Variants in GALNT13 observed in about 807,000 individuals in gnomAD.
GALNT13 encodes the protein polypeptide N-acetylgalactosaminyltransferase 13.
GALNT13 carries 28 observed loss-of-function variants against 64.2 expected under a neutral mutation model. The ratio of observed to expected loss-of-function variants is 0.44; its 90% CI spans 0.32 to 0.60. The LOEUF (loss-of-function observed/expected upper bound fraction) is 0.60, where lower values mean the gene tolerates loss of function less well. Among genes scored for constraint, GALNT13 ranks in the 20% least tolerant of loss-of-function variants. The probability of loss-of-function intolerance (pLI) is 0.05; values close to 1 mark genes in which losing one functional copy is unlikely to be tolerated. For missense variants in GALNT13, 577 were observed against 669.8 expected (o/e 0.86, Z 1.53); for synonymous variants, 214 against 224.6 (o/e 0.95, Z 0.42).
At chr2:153,851,909 G>A in the GALNT13 span, among the ~76,000 whole-genome samples, 105 of 152,240 alleles carry the variant, frequency 6.9e-4, 1 homozygote, top group Middle Eastern at 0.017. Flanking sequence ...GTACAAAGGC[G>A]GGGAGGGGAA....
the GALNT13 span, among the ~76,000 whole-genome samples, chr2:153,116,862 C>T: frequency 2.0e-4 from 27 of 135,230 alleles, no homozygotes; most frequent in East Asian, 2.9e-3. Flanking sequence ...TGCAGGGGCG[C>T]GATCTTGGCT....
At chr2:153,635,953 T>G in the GALNT13 span, among the ~76,000 whole-genome samples, 1 of 152,106 alleles carries the variant, frequency 6.6e-6, no homozygotes, top group Non-Finnish European at 1.5e-5. Flanking sequence ...ATGTATTAAA[T>G]AGAAGCTAAA....
the GALNT13 span, among the ~76,000 whole-genome samples, chr2:153,729,156 C>T: frequency 6.6e-5 from 10 of 151,982 alleles, no homozygotes; most frequent in African/African-American, 1.9e-4. Flanking sequence ...ACTGAATGGG[C>T]GAAAGCTGGA....
At chr2:153,387,313 C>T in the GALNT13 span, among the ~76,000 whole-genome samples, 1 of 151,994 alleles carries the variant, frequency 6.6e-6, no homozygotes, top group Non-Finnish European at 1.5e-5. Flanking sequence ...ACTAGGAGTT[C>T]GCAGCAGGTC....
the GALNT13 span, among the ~76,000 whole-genome samples, chr2:153,404,617 A>G: frequency 1.3e-5 from 2 of 152,154 alleles, no homozygotes; most frequent in Admixed American, 6.5e-5. Flanking sequence ...TCTCTCTGAT[A>G]ATAAATTTGG....
At chr2:153,963,638 A>T (rs1187856353) in intron 3 of GALNT13, among the ~76,000 whole-genome samples, 2 of 150,042 alleles carry the variant, frequency 1.3e-5, no homozygotes, top group African/African-American at 4.9e-5. Flanking sequence ...GTGGTATCTC[A>T]TTGTGATTTT....
the GALNT13 span, among the ~76,000 whole-genome samples, chr2:153,425,696 A>C: frequency 6.6e-6 from 1 of 151,874 alleles, no homozygotes; most frequent in African/African-American, 2.4e-5. Flanking sequence ...TATACATGTA[A>C]AAAGTAAATA....
chr2:154,154,455 G>A (rs962957541), intron 4 of GALNT13, among the ~76,000 whole-genome samples: 1 of 152,106 alleles, frequency 6.6e-6, no homozygotes, highest in African/African-American at 2.4e-5. Flanking sequence ...TCAACAAGGA[G>A]ATTTTAGAAC....
At chr2:153,758,514 A>T in the GALNT13 span, among the ~76,000 whole-genome samples, 1 of 152,064 alleles carries the variant, frequency 6.6e-6, no homozygotes, top group Non-Finnish European at 1.5e-5. Flanking sequence ...TTATTTTTCC[A>T]TTTCTGTGAA....
chr2:154,046,568 C>T (rs573738477), intron 3 of GALNT13, among the ~76,000 whole-genome samples: 1 of 152,234 alleles, frequency 6.6e-6, no homozygotes, highest in African/African-American at 2.4e-5. Flanking sequence ...ATTATCCTTG[C>T]TATATGCTGT....
chr2:153,133,031 GT>G, the GALNT13 span, among the ~76,000 whole-genome samples: 3 of 145,884 alleles, frequency 2.1e-5, no homozygotes, highest in African/African-American at 7.6e-5. Context: ...CCTAAACTGT[GT>G]TAATTTTTTT....
chr2:153,696,833 C>T, the GALNT13 span, among the ~76,000 whole-genome samples: 8,535 of 152,150 alleles, frequency 0.056, 303 homozygotes, highest in African/African-American at 0.09. Flanking sequence ...TTCTGGGAAA[C>T]GCTATCCCTT....
intron 9 of GALNT13, among the ~76,000 whole-genome samples, chr2:154,318,735 A>T (rs115017578): frequency 0.017 from 2,606 of 152,110 alleles, 70 homozygotes; most frequent in African/African-American, 0.059. Context: ...AAAAAAAAAA[A>T]AAAAATCGTT....
chr2:154,191,466 G>C (rs911816710), intron 4 of GALNT13, among the ~76,000 whole-genome samples: 3 of 152,164 alleles, frequency 2.0e-5, no homozygotes, highest in Non-Finnish European at 4.4e-5. Flanking sequence ...TGATAGGAGA[G>C]ACTGAAAACA....
At chr2:153,957,641 G>A (rs577412500) in intron 3 of GALNT13, among the ~76,000 whole-genome samples, 1 of 152,298 alleles carries the variant, frequency 6.6e-6, no homozygotes, top group East Asian at 1.9e-4. Flanking sequence ...GCAAGTTGGG[G>A]GCTCTTGTCT....
the GALNT13 span, among the ~76,000 whole-genome samples, chr2:153,093,175 C>T: frequency 1.3e-5 from 2 of 151,580 alleles, no homozygotes; most frequent in Non-Finnish European, 2.9e-5. Flanking sequence ...GTTGACCCAT[C>T]CTTGTATTCC....
At chr2:153,921,446 G>A (rs1205567176) in intron 2 of GALNT13, among the ~76,000 whole-genome samples, 11 of 152,076 alleles carry the variant, frequency 7.2e-5, no homozygotes, top group Non-Finnish European at 1.5e-4. Flanking sequence ...GGGAACAACA[G>A]GCACCAAGGC....
chr2:153,390,095 A>T, the GALNT13 span, among the ~76,000 whole-genome samples: 1 of 152,134 alleles, frequency 6.6e-6, no homozygotes, highest in Admixed American at 6.5e-5. Flanking sequence ...TATTAAGAAA[A>T]TGTGGCACAT....
At chr2:153,751,459 CTA>C in the GALNT13 span, among the ~76,000 whole-genome samples, 1 of 151,620 alleles carries the variant, frequency 6.6e-6, no homozygotes, top group Admixed American at 6.6e-5. Flanking sequence ...GTACTGGGGC[CTA>C]TCTCTCTCTT....
Sources: allele counts gnomAD v4.1 joint callset (sites outside exome capture counted in the v4.1 genomes callset), GRCh38; gene constraint gnomAD v4.1.1; transcripts MANE v1.5; gene names NCBI Gene and HGNC (gene_info 2026-07-23, HGNC 2026-07-21).